SEMA3A: variants seen among roughly 807,000 people sequenced by gnomAD.
The protein encoded by SEMA3A is semaphorin 3A.
Under a neutral mutation model 97.9 loss-of-function variants are expected in SEMA3A, and 29 were observed. The observed-to-expected ratio is 0.30, with a 90% CI of 0.22 to 0.40. SEMA3A has a LOEUF of 0.40. Ranked by LOEUF, SEMA3A falls within the 10% of genes least tolerant of loss-of-function variation. The probability of loss-of-function intolerance (pLI) is 1.00; values close to 1 mark genes in which losing one functional copy is unlikely to be tolerated. For synonymous variants in SEMA3A, 321 were observed against 323.7 expected, an observed-to-expected ratio of 0.99 and a Z score of 0.09; for missense variants, 763 against 951.3, an observed-to-expected ratio of 0.80 and a Z score of 2.60.
At chr7:84,424,638 A>T (rs1395615661) in intron 1 of SEMA3A, among the ~76,000 whole-genome samples, 12 of 94,588 alleles carry the variant, frequency 1.3e-4, no homozygotes, top group African/African-American at 4.7e-4. Context: ...TATATACAAT[A>T]TATATTATAT....
At chr7:84,066,303 C>T (rs1177919490) in intron 4 of SEMA3A, among the ~76,000 whole-genome samples, 4 of 152,204 alleles carry the variant, frequency 2.6e-5, no homozygotes, top group Non-Finnish European at 4.4e-5. Context: ...GACAAACCCA[C>T]ATCCAATATC....
intron 1 of SEMA3A, among the ~76,000 whole-genome samples, chr7:84,391,148 G>A (rs1235181324): frequency 5.3e-5 from 8 of 152,270 alleles, no homozygotes; most frequent in Non-Finnish European, 1.0e-4. Flanking sequence ...TTCAAGTGAC[G>A]TGAACTCCTC....
intron 1 of SEMA3A, among the ~76,000 whole-genome samples, chr7:84,148,403 C>T (rs996857711): frequency 6.6e-6 from 1 of 152,036 alleles, no homozygotes; most frequent in African/African-American, 2.4e-5. Context: ...GATGGGAGAG[C>T]AATGATGTTG....
chr7:84,126,963 G>T (rs1374914395), intron 3 of SEMA3A, among the ~76,000 whole-genome samples: 1 of 151,506 alleles, frequency 6.6e-6, no homozygotes, highest in Non-Finnish European at 1.5e-5. Context: ...CTTTCCAGAA[G>T]TTTCAAATTA....
chr7:84,484,173 A>C (rs1806517018), intron 1 of SEMA3A, among the ~76,000 whole-genome samples: 1 of 152,180 alleles, frequency 6.6e-6, no homozygotes, highest in Admixed American at 6.6e-5. Flanking sequence ...TAAAAATATT[A>C]TAATCTACCT....
chr7:84,289,503 A>C (rs1800687605), intron 3 of SEMA3A, among the ~76,000 whole-genome samples: 1 of 152,128 alleles, frequency 6.6e-6, no homozygotes, highest in African/African-American at 2.4e-5. Context: ...AATTATTATC[A>C]ATAAAAAATT....
Position 83,961,347 on chromosome 7 carries a change from T to G in SEMA3A, c.*24A>C. On this transcript the variant is annotated 3_prime_UTR_variant, in exon 17 of 17. Coordinates refer to ENST00000265362, the MANE Select transcript of SEMA3A (RefSeq NM_006080.3). ...TTGTCTAGGCAAGTTTCTACTTGTTTGAGGTTTCTAGAGGTAATGCAGCTC... is the reference window on the plus strand; with the variant it reads ...TTGTCTAGGCAAGTTTCTACTTGTTGGAGGTTTCTAGAGGTAATGCAGCTC... 1.6e-5 allele frequency: 25 copies of G among 1,588,516 alleles called. No homozygotes were observed. The highest frequency in any genetic ancestry group is 2.2e-5 in the Non-Finnish European group (25 of 1,157,570).
At chr7:84,189,087 G>A (rs1053762120) in intron 1 of SEMA3A, among the ~76,000 whole-genome samples, 6 of 151,768 alleles carry the variant, frequency 4.0e-5, no homozygotes, top group African/African-American at 9.7e-5. Context: ...TAGTGCATTA[G>A]AAATCATGAG....
At chr7:84,149,152 T>C (rs1796552782) in intron 1 of SEMA3A, among the ~76,000 whole-genome samples, 1 of 152,186 alleles carries the variant, frequency 6.6e-6, no homozygotes, top group South Asian at 2.1e-4. Context: ...TATCCAGCTC[T>C]CCCCAAGTAA....
intron 2 of SEMA3A, among the ~76,000 whole-genome samples, chr7:84,329,891 C>A (rs1801871598): frequency 6.6e-6 from 1 of 152,016 alleles, no homozygotes; most frequent in South Asian, 2.1e-4. Flanking sequence ...CAGTCCCACA[C>A]TGCAAAATTT....
At chr7:84,287,184 G>T (rs1175979698) in intron 3 of SEMA3A, among the ~76,000 whole-genome samples, 2 of 151,792 alleles carry the variant, frequency 1.3e-5, no homozygotes, top group Non-Finnish European at 2.9e-5. Flanking sequence ...ATAGCATTTT[G>T]GTTGTTTCAA....
intron 3 of SEMA3A, among the ~76,000 whole-genome samples, chr7:84,207,181 A>G (rs555752926): frequency 6.6e-6 from 1 of 152,304 alleles, no homozygotes; most frequent in East Asian, 1.9e-4. Context: ...CTTATGGCCT[A>G]TTTCCTGTGA....
intron 1 of SEMA3A, among the ~76,000 whole-genome samples, chr7:84,157,549 T>C (rs1230630976): frequency 1.3e-5 from 2 of 152,182 alleles, no homozygotes; most frequent in African/African-American, 4.8e-5. Context: ...CTTATCTACT[T>C]TGTTTGCATA....
rs1193434570 is a variant in SEMA3A, at chr7:84,108,160, T to C, written c.453+2310A>G. 3.9e-5 allele frequency among the ~76,000 whole-genome samples: 6 copies of C among 152,176 alleles called. No homozygotes were observed. The South Asian group carries it at 1.0e-3, about 26-fold the overall frequency. On this transcript the variant is annotated intron_variant, in intron 4 of 16. Transcript: ENST00000265362. Reference sequence around the variant, plus strand: ...TTAGACAATGTTTAACTTTCACAACTGTATGAGGTACAGACCATTTTCCTT... The same window carrying C: ...TTAGACAATGTTTAACTTTCACAACCGTATGAGGTACAGACCATTTTCCTT...
At chr7:84,035,390 T>C (rs1339224080) in intron 6 of SEMA3A, among the ~76,000 whole-genome samples, 1 of 152,060 alleles carries the variant, frequency 6.6e-6, no homozygotes, top group Non-Finnish European at 1.5e-5. Flanking sequence ...GTAAAAATTC[T>C]CTAGCAAATA....
At chr7:84,318,987 G>A (rs572555072) in intron 2 of SEMA3A, among the ~76,000 whole-genome samples, 2 of 152,138 alleles carry the variant, frequency 1.3e-5, no homozygotes, top group Admixed American at 1.3e-4. Context: ...GCACCAAGGC[G>A]CAGAGGTAAG....
chr7:84,482,359 A>T (rs1806469147), intron 1 of SEMA3A, among the ~76,000 whole-genome samples: 1 of 152,332 alleles, frequency 6.6e-6, no homozygotes, highest in East Asian at 1.9e-4. Context: ...CCTAAATGGT[A>T]AATTAGTAGA....
At position 84,358,338 on chromosome 7, in the gene SEMA3A, G is replaced by T. The variant is rs542252288; in HGVS notation, c.-169+13486C>A. Reference sequence around the variant, plus strand: ...ATAAGGTGTAAGGAAGGGATCCAGTGTCAGCTTTCTACATATGGCTAGCCA... The same window carrying T: ...ATAAGGTGTAAGGAAGGGATCCAGTTTCAGCTTTCTACATATGGCTAGCCA... On this transcript the variant is annotated intron_variant, in intron 2 of 3. Coordinates refer to the SEMA3A transcript ENST00000424555. Among the ~76,000 whole-genome samples, 666 of 152,098 alleles carry T rather than the reference G, an allele frequency of 4.4e-3. 7 individuals are homozygous for T. Among genetic ancestry groups the T allele is most frequent in the African/African-American group, 0.015 (608 of 41,500 alleles).
chr7:84,091,324 GA>G (rs1562774981), intron 4 of SEMA3A, among the ~76,000 whole-genome samples: 8 of 141,284 alleles, frequency 5.7e-5, no homozygotes, highest in Non-Finnish European at 9.2e-5. Context: ...AAGGAAGGAA[GA>G]GAGAGAGAGA....
Sources: allele counts gnomAD v4.1 joint callset (sites outside exome capture counted in the v4.1 genomes callset), GRCh38; gene constraint gnomAD v4.1.1; transcripts MANE v1.5; gene names NCBI Gene and HGNC (gene_info 2026-07-23, HGNC 2026-07-21).